The following BASP1 variants were observed in gnomAD, a reference collection of about 807,000 sequenced individuals.
The protein encoded by BASP1 is brain acid soluble protein 1.
A neutral mutation model predicts 2.2 loss-of-function variants in BASP1; 1 was observed. The observed-to-expected ratio is 0.46, with a 90% CI of 0.16 to 2.17. BASP1 has a LOEUF of 2.17. Among genes scored for constraint, BASP1 ranks in the 30% most tolerant of loss-of-function variants. The pLI, the probability that BASP1 is intolerant of heterozygous loss-of-function variation, is 0.27. For missense variants in BASP1, 352 were observed against 327.2 expected, an observed-to-expected ratio of 1.08 and a Z score of -0.58; for synonymous variants, 187 against 154.2, an observed-to-expected ratio of 1.21 and a Z score of -1.58.
At chr5:17,234,620 A>T (rs1739706209) in intron 1 of BASP1, among the ~76,000 whole-genome samples, 1 of 152,236 alleles carries the variant, frequency 6.6e-6, no homozygotes. Context: ...TACAAACCAC[A>T]CTAAAATATT....
At position 17,275,241 on chromosome 5, in the gene BASP1, A is replaced by G; in HGVS notation, c.25A>G (p.Lys9Glu). The part of the protein sequence containing the change: MGGKLSKK[K>E]KGYNVNDEKA... Reference sequence around the variant, plus strand: ...GATGGGAGGCAAGCTCAGCAAGAAGAAGAAGGGCTACAATGTGAACGACGA... The same window carrying G: ...GATGGGAGGCAAGCTCAGCAAGAAGGAGAAGGGCTACAATGTGAACGACGA... The change falls in exon 2 of 2, where the codon AAG (lysine) becomes GAG (glutamate). Residue 9 changes from lysine (K) to glutamate (E), a missense_variant. Transcript: ENST00000322611. The surrounding 1 kb of genome is among the most constrained non-coding windows in gnomAD (Gnocchi z 5.3). The G allele has an allele frequency of 6.2e-7, 1 of 1,613,802 alleles. No homozygotes were observed. The highest frequency in any genetic ancestry group is 8.5e-7 in the Non-Finnish European group (1 of 1,179,960).
intron 1 of BASP1, among the ~76,000 whole-genome samples, chr5:17,253,401 G>A (rs1740138602): frequency 6.6e-6 from 1 of 152,082 alleles, no homozygotes; most frequent in South Asian, 2.1e-4. Context: ...TTGCAGAGAT[G>A]GGGGTCTCAC....
chr5:17,224,451 AG>A (rs1170221123), intron 1 of BASP1, among the ~76,000 whole-genome samples: 2 of 127,538 alleles, frequency 1.6e-5, no homozygotes, highest in East Asian at 2.8e-4. Flanking sequence ...TGGACTCTTC[AG>A]GGGGGGAAAA....
Position 17,251,089 on chromosome 5 carries a change from G to A in BASP1, c.-9-24119G>A, listed in dbSNP as rs1740094695. ...TTCTAGGGCTGATCTGGTAGTTGAGGGGTGTGATCAAGTTTCCAGATTTCA... is the reference window on the plus strand; with the variant it reads ...TTCTAGGGCTGATCTGGTAGTTGAGAGGTGTGATCAAGTTTCCAGATTTCA... On this transcript the variant is annotated intron_variant, in intron 1 of 1. Transcript: ENST00000322611. The surrounding 1 kb of genome is among the most constrained non-coding windows in gnomAD (Gnocchi z 4.0). Among the ~76,000 whole-genome samples the A allele has an allele frequency of 6.6e-6, 1 of 152,158 alleles. No homozygotes were observed. Among genetic ancestry groups the A allele is most frequent in the Non-Finnish European group, 1.5e-5 (1 of 68,042 alleles).
At chr5:17,231,205 A>G (rs970248518) in intron 1 of BASP1, among the ~76,000 whole-genome samples, 11 of 152,256 alleles carry the variant, frequency 7.2e-5, no homozygotes, top group Non-Finnish European at 1.0e-4. Flanking sequence ...ATGCAATGTC[A>G]GTGAGGACCT....
At chr5:17,229,334 A>C (rs1739575708) in intron 1 of BASP1, among the ~76,000 whole-genome samples, 1 of 152,222 alleles carries the variant, frequency 6.6e-6, no homozygotes. Flanking sequence ...CCGAAAAGGA[A>C]GAAATGGCTG....
chr5:17,242,411 C>A (rs763077700), intron 1 of BASP1, among the ~76,000 whole-genome samples: 1 of 152,000 alleles, frequency 6.6e-6, no homozygotes, highest in African/African-American at 2.4e-5. Context: ...CGCCGCCCCC[C>A]ACCCCATGCA....
chr5:17,238,366 C>T (rs1047320206), intron 1 of BASP1, among the ~76,000 whole-genome samples: 1 of 152,132 alleles, frequency 6.6e-6, no homozygotes, highest in African/African-American at 2.4e-5. Flanking sequence ...TCTCCCTCCC[C>T]TCCCTTTCAA....
chr5:17,221,379 T>A (rs1171518895), intron 1 of BASP1, among the ~76,000 whole-genome samples: 5 of 152,020 alleles, frequency 3.3e-5, no homozygotes, highest in African/African-American at 1.2e-4. Flanking sequence ...TTTTTTTTTT[T>A]TTTTTTAAAT....
rs150317869 is a variant in BASP1, at chr5:17,225,838, A to G, written c.-10+8028A>G. ...ACGGGATGTTTAATCTTTTTTATTT[A>G]AAATTACCATTTATAGTATTTGGGG... On this transcript the variant is annotated intron_variant, in intron 1 of 1. Transcript: ENST00000322611. Among the ~76,000 whole-genome samples, 15 of 152,346 alleles carry G rather than the reference A, an allele frequency of 9.8e-5. No individual in the cohort carries two copies. In the East Asian group the frequency reaches 2.9e-3, roughly 29 times the overall value.
At chr5:17,243,030 T>C (rs903881405) in intron 1 of BASP1, among the ~76,000 whole-genome samples, 2 of 152,110 alleles carry the variant, frequency 1.3e-5, no homozygotes, top group African/African-American at 4.8e-5. Context: ...CCAGATCATG[T>C]GTGTAAAGGG....
chr5:17,248,177 T>C (rs1740032207), intron 1 of BASP1, among the ~76,000 whole-genome samples: 1 of 152,248 alleles, frequency 6.6e-6, no homozygotes, highest in Admixed American at 6.5e-5. Flanking sequence ...TCACTTCAGC[T>C]ATACGTGTGA....
chr5:17,242,768 G>T (rs532820603), intron 1 of BASP1, among the ~76,000 whole-genome samples: 2 of 151,380 alleles, frequency 1.3e-5, no homozygotes, highest in East Asian at 3.9e-4. Flanking sequence ...GATGTTATTT[G>T]TAACGGTACA....
At chr5:17,256,389 A>G (rs540527171) in intron 1 of BASP1, among the ~76,000 whole-genome samples, 42 of 152,312 alleles carry the variant, frequency 2.8e-4, no homozygotes, top group African/African-American at 9.9e-4. Context: ...GGAAAGATCT[A>G]TGGGCAGTCA....
intron 1 of BASP1, among the ~76,000 whole-genome samples, chr5:17,241,676 A>T (rs758624007): frequency 1.3e-5 from 2 of 152,188 alleles, no homozygotes; most frequent in Non-Finnish European, 2.9e-5. Flanking sequence ...CGAGGCCCTG[A>T]AGCTTTCGTA....
intron 1 of BASP1, among the ~76,000 whole-genome samples, chr5:17,229,406 A>G (rs1031174810): frequency 4.6e-5 from 7 of 152,230 alleles, no homozygotes; most frequent in African/African-American, 1.7e-4. Flanking sequence ...GGGAGGGGAA[A>G]GAAAGCCCTT....
At position 17,260,157 on chromosome 5, in the gene BASP1, C is replaced by A. The variant is rs1740288658; in HGVS notation, c.-9-15051C>A. On this transcript the variant is annotated intron_variant, in intron 1 of 1. Transcript: ENST00000322611. The surrounding 1 kb of genome is among the most constrained non-coding windows in gnomAD (Gnocchi z 4.2). Reference sequence around the variant, plus strand: ...TAACAATGTGAACACACAGCAGACTCTAAAAAGCATATTAGACTATTGACG... The same window carrying A: ...TAACAATGTGAACACACAGCAGACTATAAAAAGCATATTAGACTATTGACG... Among the ~76,000 whole-genome samples, 1 of 152,160 alleles carries A rather than the reference C, an allele frequency of 6.6e-6. No individual in the cohort carries two copies. Among genetic ancestry groups the A allele is most frequent in the South Asian group, 2.1e-4 (1 of 4,828 alleles).
intron 1 of BASP1, among the ~76,000 whole-genome samples, chr5:17,253,223 T>C (rs1740135810): frequency 6.6e-6 from 1 of 152,234 alleles, no homozygotes; most frequent in Non-Finnish European, 1.5e-5. Context: ...TTGTATTTAC[T>C]TTTTTAAGAC....
At chr5:17,261,943 T>C (rs1260382987) in intron 1 of BASP1, among the ~76,000 whole-genome samples, 2 of 152,256 alleles carry the variant, frequency 1.3e-5, no homozygotes, top group African/African-American at 2.4e-5. Context: ...TTTATCGAAG[T>C]GACTCTAGGG....
Sources: allele counts gnomAD v4.1 joint callset (sites outside exome capture counted in the v4.1 genomes callset), GRCh38; gene constraint gnomAD v4.1.1; non-coding constraint Gnocchi (gnomAD v3.1); transcripts MANE v1.5; gene names NCBI Gene and HGNC (gene_info 2026-07-23, HGNC 2026-07-21).